Variants in ZBTB44 observed in about 807,000 individuals in gnomAD.
ZBTB44 encodes zinc finger and BTB domain-containing protein 44.
Under a neutral mutation model 54.0 loss-of-function variants are expected in ZBTB44, and 15 were observed. The ratio of observed to expected loss-of-function variants is 0.28; its 90% CI spans 0.19 to 0.43. The LOEUF is 0.43. Ranked by LOEUF, ZBTB44 falls within the 20% of genes least tolerant of loss-of-function variation. ZBTB44 has a pLI of 1.00. For missense variants in ZBTB44, 487 were observed against 707.1 expected (o/e 0.69, Z 3.53); for synonymous variants, 230 against 250.1 (o/e 0.92, Z 0.76).
At chr11:130,274,239 T>G (rs777453302) in intron 1 of ZBTB44, among the ~76,000 whole-genome samples, 1 of 152,228 alleles carries the variant, frequency 6.6e-6, no homozygotes, top group Non-Finnish European at 1.5e-5. Context: ...CAAAACACTT[T>G]GCACTTTGGC....
chr11:130,313,011 A>G (rs1381346907), intron 1 of ZBTB44, among the ~76,000 whole-genome samples: 1 of 152,154 alleles, frequency 6.6e-6, no homozygotes, highest in East Asian at 1.9e-4. Context: ...ATTGATTAGC[A>G]TTTTTATTCA....
intron 1 of ZBTB44, 36 bp downstream of exon 1, chr11:130,314,339 C>G (rs975925406): frequency 1.3e-5 from 2 of 152,738 alleles, no homozygotes; most frequent in Non-Finnish European, 1.5e-5. Flanking sequence ...GGGCCGTCCC[C>G]CGCGCGACCG....
intron 1 of ZBTB44, among the ~76,000 whole-genome samples, chr11:130,267,604 TA>T (rs1289312503): frequency 7.2e-5 from 11 of 152,040 alleles, no homozygotes; most frequent in Non-Finnish European, 1.6e-4. Flanking sequence ...TAGGTAGAGA[TA>T]GGGGTATCCC....
chr11:130,295,906 G>GATCC (rs1941614369), intron 1 of ZBTB44: 1 of 1,504,988 alleles, frequency 6.6e-7, no homozygotes, highest in Non-Finnish European at 9.2e-7. Context: ...GTTGATAATG[G>GATCC]GTGGCAGTAA....
At position 130,297,329 on chromosome 11, in the gene ZBTB44, C is replaced by T. The variant is rs190423356; in HGVS notation, c.-57+17046G>A. Among the ~76,000 whole-genome samples, 432 of 152,268 alleles carry T rather than the reference C, an allele frequency of 2.8e-3. 1 individual carries two copies. Among genetic ancestry groups the T allele is most frequent in the Non-Finnish European group, 4.4e-3 (298 of 68,020 alleles). ...AATATTTTAATTTTAAATATCCCTCCCTCATACACACAAATGTATGTTACT... is the reference window on the plus strand; with the variant it reads ...AATATTTTAATTTTAAATATCCCTCTCTCATACACACAAATGTATGTTACT... On this transcript the variant is annotated intron_variant, in intron 1 of 7. Transcript: ENST00000357899.
At chr11:130,284,944 T>G (rs560521286) in intron 1 of ZBTB44, 5 of 152,324 alleles carry the variant, frequency 3.3e-5, no homozygotes, top group Non-Finnish European at 7.3e-5. Context: ...TCTCTAAATT[T>G]TAAGTATATT....
chr11:130,276,281 C>A (rs1940088583), intron 1 of ZBTB44, among the ~76,000 whole-genome samples: 1 of 138,726 alleles, frequency 7.2e-6, no homozygotes, highest in African/African-American at 2.7e-5. Flanking sequence ...TCATGGCTAG[C>A]ATATGGTCTA....
At chr11:130,308,262 G>A (rs558830501) in intron 1 of ZBTB44, among the ~76,000 whole-genome samples, 11 of 152,152 alleles carry the variant, frequency 7.2e-5, no homozygotes, top group South Asian at 2.1e-4. Flanking sequence ...GCCTAACGAC[G>A]CATTTCTCAG....
At chr11:130,238,704 TTA>T in intron 3 of ZBTB44, 97 bp from the exon 4 acceptor site, 3 of 1,249,918 alleles carry the variant, frequency 2.4e-6, no homozygotes, top group Non-Finnish European at 3.2e-6. Flanking sequence ...GATAAAACAC[TTA>T]AAGACTTTTT....
chr11:130,279,226 C>T (rs1448686211), intron 1 of ZBTB44, among the ~76,000 whole-genome samples: 1 of 151,136 alleles, frequency 6.6e-6, no homozygotes, highest in African/African-American at 2.4e-5. Flanking sequence ...TGGGTACGCC[C>T]ACAGTCACCC....
chr11:130,305,819 G>A (rs1478503764), intron 1 of ZBTB44, among the ~76,000 whole-genome samples: 1 of 152,092 alleles, frequency 6.6e-6, no homozygotes, highest in African/African-American at 2.4e-5. Context: ...ACAACCCAAA[G>A]TGGTAGAAAA....
chr11:130,232,147 G>A (rs1953897560), intron 7 of ZBTB44: 1 of 151,888 alleles, frequency 6.6e-6, no homozygotes, highest in Admixed American at 6.6e-5. Context: ...CATGTTTTTG[G>A]GGAAAAAATT....
chr11:130,278,128 G>C (rs1592014751), intron 1 of ZBTB44, among the ~76,000 whole-genome samples: 1 of 152,058 alleles, frequency 6.6e-6, no homozygotes, highest in Non-Finnish European at 1.5e-5. Context: ...CCAATGTATG[G>C]AATTATATCC....
rs189327755 is a variant in ZBTB44 at position 130,230,768 on chromosome 11, A to G, written c.*996T>C. On this transcript the variant is annotated 3_prime_UTR_variant, in exon 8 of 8. Transcript: ENST00000357899. ...ATTAATCTCTTTATTTCTGAATGAG[A>G]TGAAATCACTGACATGTTTGATGCT... The G allele has an allele frequency of 6.6e-4, 101 of 152,236 alleles. No homozygotes were observed. Among genetic ancestry groups the G allele is most frequent in the African/African-American group, 2.4e-3 (100 of 41,576 alleles). The allele number at this position is 152,236 out of a possible 1,614,324, so 9.4% of individuals were successfully genotyped here.
At chr11:130,238,721 C>T in intron 3 of ZBTB44, 114 bp from the exon 4 acceptor site, 1 of 1,107,910 alleles carries the variant, frequency 9.0e-7, no homozygotes. Context: ...CTTTTTGAAA[C>T]AGTTTAACTG....
At chr11:130,263,936 G>A (rs907211495) in intron 1 of ZBTB44, among the ~76,000 whole-genome samples, 14 of 152,154 alleles carry the variant, frequency 9.2e-5, no homozygotes, top group African/African-American at 3.4e-4. Flanking sequence ...ACATAAGTCT[G>A]ATTTAAACAA....
At chr11:130,239,571 C>A in intron 3 of ZBTB44, 1 of 276,536 alleles carries the variant, frequency 3.6e-6, no homozygotes, top group Non-Finnish European at 6.9e-6. Context: ...CATAGTTTGC[C>A]AACACTTGGT....
At chr11:130,240,041 ATTT>A (rs11449622) in intron 2 of ZBTB44, 145 bp from the exon 3 acceptor site, 762 of 320,566 alleles carry the variant, frequency 2.4e-3, no homozygotes, top group Middle Eastern at 4.2e-3. Context: ...AGTGTTCTAC[ATTT>A]TTTTTTTTTT....
chr11:130,280,039 T>G (rs1427950942), intron 1 of ZBTB44, among the ~76,000 whole-genome samples: 1 of 152,034 alleles, frequency 6.6e-6, no homozygotes, highest in Non-Finnish European at 1.5e-5. Flanking sequence ...CCTGAAGACT[T>G]CTAGGCTTGA....
Sources: allele counts gnomAD v4.1 joint callset (sites outside exome capture counted in the v4.1 genomes callset), GRCh38; gene constraint gnomAD v4.1.1; transcripts MANE v1.5; gene names NCBI Gene and HGNC (gene_info 2026-07-23, HGNC 2026-07-21).